The following CAB39L variants were observed in gnomAD, a reference collection of about 807,000 sequenced individuals.
The protein encoded by CAB39L is calcium binding protein 39 like.
A neutral mutation model predicts 39.1 loss-of-function variants in CAB39L; 23 were observed. The ratio of observed to expected loss-of-function variants is 0.59; its 90% CI spans 0.42 to 0.83. CAB39L has a LOEUF of 0.83. Among genes scored for constraint, CAB39L ranks in the 40% least tolerant of loss-of-function variants. CAB39L has a pLI of 0.00. For synonymous variants in CAB39L, 126 were observed against 137.2 expected (o/e 0.92, Z 0.57); for missense variants, 366 against 391.9 (o/e 0.93, Z 0.56).
intron 7 of CAB39L, among the ~76,000 whole-genome samples, chr13:49,347,518 G>A (rs1321219410): frequency 6.6e-6 from 1 of 152,076 alleles, no homozygotes; most frequent in Non-Finnish European, 1.5e-5. Context: ...TGACAGCGAA[G>A]AGCCATCTGA....
chr13:49,391,671 A>G (rs1187512017), intron 3 of CAB39L, among the ~76,000 whole-genome samples: 2 of 152,190 alleles, frequency 1.3e-5, no homozygotes, highest in African/African-American at 2.4e-5. Context: ...TACACAAATT[A>G]AGATAAACCT....
chr13:49,352,716 G>T (rs1955389704), intron 6 of CAB39L, among the ~76,000 whole-genome samples: 1 of 152,086 alleles, frequency 6.6e-6, no homozygotes, highest in East Asian at 1.9e-4. Context: ...CTTGACCCTG[G>T]AAAGTTAAGC....
intron 5 of CAB39L, among the ~76,000 whole-genome samples, chr13:49,368,837 A>T (rs1955837453): frequency 6.6e-6 from 1 of 152,218 alleles, no homozygotes; most frequent in African/African-American, 2.4e-5. Flanking sequence ...CAGCAGTCAC[A>T]GCAACCAGAA....
Position 49,377,007 on chromosome 13 carries a change from A to T in CAB39L, c.236T>A (p.Leu79Gln). The change falls in exon 5 of 11, where the codon CTA becomes CAA. Residue 79 changes from leucine (L) to glutamine (Q), a missense_variant. By Grantham distance (113) the Leu-to-Gln change is moderately radical. Coordinates refer to ENST00000409308, the MANE Select transcript of CAB39L (RefSeq NM_001079670.3). ...CTGCAGGTCAGCTATCAGTGTCACT[A>T]GCAGGCCACTGCTGTAGAGTTCTTG... Reference protein sequence around the residue: ...LAQELYSSGLLVTLIADLQLI... With the variant: ...LAQELYSSGLQVTLIADLQLI... The T allele has an allele frequency of 6.2e-7, 1 of 1,613,344 alleles. No homozygotes were observed. The highest frequency in any genetic ancestry group is 8.5e-7 in the Non-Finnish European group (1 of 1,179,432).
chr13:49,347,061 A>G (rs2138451526), intron 7 of CAB39L, among the ~76,000 whole-genome samples: 2 of 152,302 alleles, frequency 1.3e-5, no homozygotes, highest in African/African-American at 4.8e-5. Flanking sequence ...CAAGTCAATC[A>G]TCCAACCAAA....
At chr13:49,366,422 T>C (rs977893107) in intron 5 of CAB39L, among the ~76,000 whole-genome samples, 2 of 150,798 alleles carry the variant, frequency 1.3e-5, no homozygotes, top group Non-Finnish European at 3.0e-5. Context: ...AGGTCAGGAG[T>C]TTGAGACCAG....
rs71078844 is a variant in CAB39L, at chr13:49,442,787, CAAAAAAAAAAAAA to C, written c.-246+1186_-246+1198del. ...GCATAGGCGACAAGAGACTCCATCT[CAAAAAAAAAAAAA>C]AAAAAAAAAAAAAAAAAAACATCAA... is the stretch of plus-strand genomic sequence containing the variant. On this transcript the variant is annotated intron_variant, in intron 1 of 10. Transcript: ENST00000409308. 9.6e-5 allele frequency among the ~76,000 whole-genome samples: 10 copies of C among 103,690 alleles called. No homozygotes were observed. In the South Asian group the frequency reaches 1.4e-3, roughly 14 times the overall value. The allele number at this position is 103,690 out of a possible 152,430, so 68.0% of individuals were successfully genotyped here.
chr13:49,338,081 C>T (rs1417573604), intron 9 of CAB39L, among the ~76,000 whole-genome samples: 7 of 152,168 alleles, frequency 4.6e-5, no homozygotes, highest in African/African-American at 1.4e-4. Context: ...CTAGCTGCAT[C>T]GTCTTTTAAT....
At chr13:49,436,486 G>T (rs1256493814) in intron 1 of CAB39L, among the ~76,000 whole-genome samples, 1 of 148,442 alleles carries the variant, frequency 6.7e-6, no homozygotes, top group East Asian at 2.0e-4. Context: ...TTTTCTCAAT[G>T]CTCCTTATAT....
In CAB39L at chr13:49,391,425, G is replaced by C. The variant is rs1475280297; in HGVS notation, c.-31-8484C>G. On this transcript the variant is annotated intron_variant, in intron 3 of 10. Transcript: ENST00000409308. ...AAATACATGGCTAAATCTAAGTAAA[G>C]GTTGATAATGTGTCTGTGATGCTTA... is the stretch of plus-strand genomic sequence containing the variant. Among the ~76,000 whole-genome samples the C allele has an allele frequency of 2.6e-5, 4 of 152,124 alleles. No individual in the cohort carries two copies. The South Asian group carries it at 8.3e-4, about 32-fold the overall frequency.
chr13:49,399,519 A>G (rs1956719622), intron 3 of CAB39L, among the ~76,000 whole-genome samples: 1 of 152,120 alleles, frequency 6.6e-6, no homozygotes, highest in South Asian at 2.1e-4. Context: ...GTTTTTCTAC[A>G]GCATGGGTAA....
intron 7 of CAB39L, among the ~76,000 whole-genome samples, chr13:49,344,862 T>C (rs1462471306): frequency 1.3e-5 from 2 of 152,214 alleles, no homozygotes; most frequent in Non-Finnish European, 2.9e-5. Context: ...CAAACCAGTA[T>C]TGTTCCTGCT....
In CAB39L at chr13:49,322,145, C is replaced by G. The variant is rs186015441; in HGVS notation, c.834+9802G>C. On this transcript the variant is annotated intron_variant, in intron 10 of 10. Transcript: ENST00000409308. ...TATACCCATTAGCAGTCGCCCGCCC[C>G]CTCCGCACCCCAACATGCTCCCAGC... is the stretch of plus-strand genomic sequence containing the variant. Among the ~76,000 whole-genome samples the G allele has an allele frequency of 3.8e-3, 571 of 152,266 alleles. 3 individuals carry two copies. Among genetic ancestry groups the G allele is most frequent in the African/African-American group, 0.013 (553 of 41,554 alleles).
intron 5 of CAB39L, among the ~76,000 whole-genome samples, chr13:49,361,363 A>G (rs1566089860): frequency 6.6e-6 from 1 of 151,158 alleles, no homozygotes; most frequent in East Asian, 2.0e-4. Flanking sequence ...CTGTAGTCCC[A>G]GCTACTTGGG....
chr13:49,337,972 T>C (rs959919020), intron 9 of CAB39L, among the ~76,000 whole-genome samples: 2 of 152,230 alleles, frequency 1.3e-5, no homozygotes, highest in Admixed American at 6.5e-5. Context: ...GTTAACTAAA[T>C]GGAATGTCTT....
chr13:49,432,289 C>G (rs546975241), intron 3 of CAB39L, among the ~76,000 whole-genome samples: 23 of 151,940 alleles, frequency 1.5e-4, no homozygotes, highest in Non-Finnish European at 2.9e-4. Flanking sequence ...GAGGTACGCA[C>G]CACCATACCC....
At chr13:49,376,181 C>G (rs1956054856) in intron 5 of CAB39L, among the ~76,000 whole-genome samples, 1 of 152,194 alleles carries the variant, frequency 6.6e-6, no homozygotes, top group Non-Finnish European at 1.5e-5. Flanking sequence ...TGCATATCTC[C>G]TCTATCTCTG....
Position 49,310,801 on chromosome 13 carries a change from G to T in CAB39L, c.*13C>A, listed in dbSNP as rs754701964. 6.2e-7 allele frequency: 1 copy of T among 1,612,674 alleles called. No individual in the cohort carries two copies. The highest frequency in any genetic ancestry group is 8.5e-7 in the Non-Finnish European group (1 of 1,179,008). ...AATGAGACGACTGACTGTGACAGGG[G>T]CCGGGGAGCTCTTCAAGGGGCCGTT... On this transcript the variant is annotated 3_prime_UTR_variant, in exon 11 of 11. Transcript: ENST00000409308.
At chr13:49,361,477 C>CAAAAAAAAAAAAA (rs33984866) in intron 5 of CAB39L, among the ~76,000 whole-genome samples, 20 of 54,456 alleles carry the variant, frequency 3.7e-4, no homozygotes, top group East Asian at 6.8e-4. Context: ...GACTTCATCT[C>CAAAAAAAAAAAAA]AAAAAAAAAA....
Sources: allele counts gnomAD v4.1 joint callset (sites outside exome capture counted in the v4.1 genomes callset), GRCh38; gene constraint gnomAD v4.1.1; transcripts MANE v1.5; gene names NCBI Gene and HGNC (gene_info 2026-07-23, HGNC 2026-07-21).